The following SLC6A4 variants were observed in gnomAD, a reference collection of about 807,000 sequenced individuals.
SLC6A4 encodes sodium-dependent serotonin transporter.
Under a neutral mutation model 73.4 loss-of-function variants are expected in SLC6A4, and 22 were observed. The observed-to-expected ratio is 0.30, with a 90% confidence interval of 0.21 to 0.43. The LOEUF (loss-of-function observed/expected upper bound fraction) is 0.43. Ranked by LOEUF, SLC6A4 falls within the 20% of genes least tolerant of loss-of-function variation. SLC6A4 has a pLI of 1.00. For synonymous variants in SLC6A4, 270 were observed against 315.5 expected (o/e 0.86, Z 1.53); for missense variants, 593 against 808.5 (o/e 0.73, Z 3.23).
intron 1 of SLC6A4, among the ~76,000 whole-genome samples, chr17:30,234,739 G>T (rs941558888): frequency 3.9e-5 from 6 of 152,102 alleles, no homozygotes; most frequent in African/African-American, 9.7e-5. Context: ...CATTGACCAG[G>T]TTCACTTTTC....
intron 6 of SLC6A4, 149 bp downstream of exon 6, chr17:30,217,017 A>G: frequency 1.4e-6 from 1 of 709,388 alleles, no homozygotes; most frequent in South Asian, 2.0e-5. Context: ...AGAATTTTCT[A>G]ACAAATGCGG....
At chr17:30,204,182 A>G (rs1181638543) in intron 13 of SLC6A4, 1 of 152,250 alleles carries the variant, frequency 6.6e-6, no homozygotes, top group Non-Finnish European at 1.5e-5. Context: ...GATTTTGCCT[A>G]GTAACCACTG....
intron 3 of SLC6A4, among the ~76,000 whole-genome samples, chr17:30,220,030 AG>A (rs1219619260): frequency 6.6e-6 from 1 of 152,222 alleles, no homozygotes; most frequent in East Asian, 1.9e-4. Context: ...CCCAGGCTAA[AG>A]GTGAGTCCTC....
chr17:30,212,635 A>C, intron 9 of SLC6A4, 105 bp downstream of exon 9: 3 of 1,389,492 alleles, frequency 2.2e-6, no homozygotes, highest in Non-Finnish European at 3.0e-6. Flanking sequence ...TCTTTGGAAA[A>C]TTTCAGGAAC....
intron 1 of SLC6A4, among the ~76,000 whole-genome samples, chr17:30,232,371 T>C (rs923427467): frequency 6.6e-6 from 1 of 152,180 alleles, no homozygotes; most frequent in African/African-American, 2.4e-5. Flanking sequence ...AAGAATGACC[T>C]GAAGAACTGG....
At chr17:30,221,262 C>T (rs1172454183) in intron 3 of SLC6A4, among the ~76,000 whole-genome samples, 1 of 152,070 alleles carries the variant, frequency 6.6e-6, no homozygotes, top group Non-Finnish European at 1.5e-5. Context: ...CAGGTGTGAG[C>T]CACCACGCCT....
chr17:30,214,667 C>A, intron 8 of SLC6A4, among the ~76,000 whole-genome samples: 2 of 135,710 alleles, frequency 1.5e-5, no homozygotes, highest in South Asian at 2.4e-4. Flanking sequence ...GAATCTCACT[C>A]TGTCGCCCAG....
chr17:30,230,098 GGA>G (rs1907054660), intron 1 of SLC6A4, among the ~76,000 whole-genome samples: 1 of 89,558 alleles, frequency 1.1e-5, no homozygotes, highest in Non-Finnish European at 2.3e-5. Flanking sequence ...AAGAAGAAGA[GGA>G]GGAAGAGGAA....
At chr17:30,200,162 A>G (rs553076595) in intron 14 of SLC6A4, among the ~76,000 whole-genome samples, 6 of 152,334 alleles carry the variant, frequency 3.9e-5, no homozygotes, top group Admixed American at 3.3e-4. Flanking sequence ...ACGACGTCAT[A>G]AAGTCAAACA....
At position 30,219,064 on chromosome 17, in the gene SLC6A4, G is replaced by T. The variant is rs1906670559; in HGVS notation, c.344-133C>A. On this transcript the variant is annotated intron_variant, in intron 3 of 14. Coordinates refer to ENST00000650711, the MANE Select transcript of SLC6A4 (RefSeq NM_001045.6). ...GCCACCCTGGGCTGAGTGGCCTCATGCTGTGCTCCTCTGGTCTCAGTGCTT... is the reference window on the plus strand; with the variant it reads ...GCCACCCTGGGCTGAGTGGCCTCATTCTGTGCTCCTCTGGTCTCAGTGCTT... The T allele has an allele frequency of 6.1e-6, 6 of 977,934 alleles. No individual in the cohort carries two copies. The Admixed American group carries it at 1.2e-4, about 19-fold the overall frequency. The allele number at this position is 977,934 out of a possible 1,614,324, so 60.6% of individuals were successfully genotyped here.
rs200686516 is a variant in SLC6A4, at chr17:30,196,333, G to C, written c.*2123C>G. ...ATTGATAAATAGGGGTCAAATAAAT[G>C]CATACTATGCGGAACAGACAGAGAT... On this transcript the variant is annotated 3_prime_UTR_variant, in exon 15 of 15. Transcript: ENST00000650711. 3 of 147,660 alleles carry C rather than the reference G, an allele frequency of 2.0e-5. No homozygotes were observed. The highest frequency in any genetic ancestry group is 4.5e-5 in the Non-Finnish European group (3 of 67,210). The allele number at this position is 147,660 out of a possible 1,614,324, so 9.1% of individuals were successfully genotyped here.
chr17:30,226,868 GTC>G (rs1178567379), intron 1 of SLC6A4, among the ~76,000 whole-genome samples: 95 of 30,642 alleles, frequency 3.1e-3, no homozygotes, highest in Admixed American at 4.7e-3. Context: ...GTGAGACTCT[GTC>G]TCAAAAAAAA....
At chr17:30,198,695 T>C (rs1905939790) in intron 14 of SLC6A4, among the ~76,000 whole-genome samples, 165 bp from the exon 15 acceptor site, 1 of 152,200 alleles carries the variant, frequency 6.6e-6, no homozygotes, top group African/African-American at 2.4e-5. Flanking sequence ...ATTCCCAATT[T>C]ATGTATTCTC....
chr17:30,212,399 G>A (rs560016140), intron 9 of SLC6A4, among the ~76,000 whole-genome samples: 2 of 152,292 alleles, frequency 1.3e-5, no homozygotes, highest in South Asian at 2.1e-4. Flanking sequence ...AATAAAAAAT[G>A]TTTTGGAAAC....
intron 9 of SLC6A4, among the ~76,000 whole-genome samples, chr17:30,212,520 G>A (rs59870432): frequency 0.014 from 2,191 of 152,258 alleles, 50 homozygotes; most frequent in African/African-American, 0.049. Flanking sequence ...CTGAGTAGCT[G>A]GGACTATAGG....
At chr17:30,224,303 CT>C (rs1906864112) in intron 1 of SLC6A4, among the ~76,000 whole-genome samples, 1 of 151,938 alleles carries the variant, frequency 6.6e-6, no homozygotes. Context: ...ACTGCAACCT[CT>C]GCCTCCCGGG....
chr17:30,201,482 CA>C (rs1686973088), intron 14 of SLC6A4, among the ~76,000 whole-genome samples: 1 of 152,174 alleles, frequency 6.6e-6, no homozygotes, highest in African/African-American at 2.4e-5. Flanking sequence ...GAAAGATGGC[CA>C]GGATCTGAGG....
At position 30,211,227 on chromosome 17, in the gene SLC6A4, G is replaced by A; in HGVS notation, c.1317+85C>T. The A allele has an allele frequency of 1.1e-6, 1 of 895,600 alleles. No individual in the cohort carries two copies. Among genetic ancestry groups the A allele is most frequent in the South Asian group, 1.5e-5 (1 of 66,912 alleles). 55.5% of individuals were successfully genotyped at this position (895,600 alleles called of 1,614,324 possible). A position where few individuals can be genotyped will look rare whatever the true frequency, so the allele number is the denominator to read the frequency against. ...AGCCAAAGCTGCCTGGGATGGCCAG[G>A]GATGGGAGGGAATTGAGTCCAGCTG... On this transcript the variant is annotated intron_variant, in intron 10 of 14. Transcript: ENST00000650711. The surrounding 1 kb of genome is among the most constrained non-coding windows in gnomAD (Gnocchi z 4.0).
chr17:30,197,032 T>C lies in SLC6A4; in HGVS notation c.*1424A>G, dbSNP rs1436738723. ...AGAACTGAAGTGATAGGTGGCCAGATGATTAAGTCCTTTTGTCTCTGATGA... is the reference window on the plus strand; with the variant it reads ...AGAACTGAAGTGATAGGTGGCCAGACGATTAAGTCCTTTTGTCTCTGATGA... On this transcript the variant is annotated 3_prime_UTR_variant, in exon 15 of 15. Coordinates refer to ENST00000650711, the MANE Select transcript of SLC6A4 (RefSeq NM_001045.6). 6.6e-6 allele frequency: 1 copy of C among 152,346 alleles called. No homozygotes were observed. The highest frequency in any genetic ancestry group is 6.5e-5 in the Admixed American group (1 of 15,276). 9.4% of individuals were successfully genotyped at this position (152,346 alleles called of 1,614,324 possible).
Sources: allele counts gnomAD v4.1 joint callset (sites outside exome capture counted in the v4.1 genomes callset), GRCh38; gene constraint gnomAD v4.1.1; non-coding constraint Gnocchi (gnomAD v3.1); transcripts MANE v1.5; gene names NCBI Gene and HGNC (gene_info 2026-07-23, HGNC 2026-07-21).